The following HAGHL variants were observed in gnomAD, a reference collection of about 807,000 sequenced individuals.
HAGHL encodes hydroxyacylglutathione hydrolase-like protein.
Under a neutral mutation model 29.2 loss-of-function variants are expected in HAGHL, and 27 were observed. That is an observed-to-expected ratio of 0.92 (90% CI 0.68 to 1.27). The LOEUF (loss-of-function observed/expected upper bound fraction) is 1.27. Among genes scored for constraint, HAGHL ranks in the 50% most tolerant of loss-of-function variants. HAGHL has a pLI of 0.00. For synonymous variants in HAGHL, 223 were observed against 185.7 expected (o/e 1.20, Z -1.63); for missense variants, 529 against 405.5 (o/e 1.30, Z -2.62).
chr16:729,074 C>T lies in HAGHL; in HGVS notation c.666C>T (p.Pro222=), dbSNP rs1057081612. 6 of 1,609,554 alleles carry T rather than the reference C, an allele frequency of 3.7e-6. No individual in the cohort carries two copies. Among genetic ancestry groups the T allele is most frequent in the Non-Finnish European group, 4.2e-6 (5 of 1,179,800 alleles). The change falls in exon 7 of 8, where the codon CCC becomes CCT. Residue 222 remains proline, a synonymous_variant. Coordinates refer to ENST00000389703, the MANE Select transcript of HAGHL (RefSeq NM_032304.4). ...TGGGCGAGGAGCGCCTCTACAACCC[C>T]TTCCTGCGGGTGGCGTGAGTATGGC... ...STLGEERLYN[P]FLRVAEEPVR...
In HAGHL at chr16:728,999, G is replaced by C. The variant is rs200842154; in HGVS notation, c.601-10G>C. The C allele has an allele frequency of 6.2e-7, 1 of 1,605,928 alleles. No homozygotes were observed. The highest frequency in any genetic ancestry group is 1.1e-5 in the South Asian group (1 of 89,784). ...GGCCTAATGGTGACCGGGGCCTGTGGTCACTCCAGAAGAGGGATGAGGATG... is the reference window on the plus strand; with the variant it reads ...GGCCTAATGGTGACCGGGGCCTGTGCTCACTCCAGAAGAGGGATGAGGATG... On this transcript the variant is annotated splice_polypyrimidine_tract_variant and intron_variant, in intron 6 of 7. Transcript: ENST00000389703.
At position 728,443 on chromosome 16, in the gene HAGHL, G is replaced by A; in HGVS notation, c.397+19G>A. 6.7e-7 allele frequency: 1 copy of A among 1,501,744 alleles called. No homozygotes were observed. Among genetic ancestry groups the A allele is most frequent in the Non-Finnish European group, 8.9e-7 (1 of 1,118,842 alleles). The allele number at this position is 1,501,744 out of a possible 1,614,324, so 93.0% of individuals were successfully genotyped here. On this transcript the variant is annotated intron_variant, in intron 4 of 7. Coordinates refer to ENST00000389703, the MANE Select transcript of HAGHL (RefSeq NM_032304.4). ...TTCTCGGGTACCCGCAGCGCGGAGC[G>A]CGCCCACCCCGCCTCCCGCCGGCCC... is the stretch of plus-strand genomic sequence containing the variant.
Position 727,464 on chromosome 16 carries a change from G to A in HAGHL, c.-46G>A. ...CCGCCCTGAAGGGGCACCGTGGGCT[G>A]GGGGGCCTGTTTTGGAGCAGGCACC... On this transcript the variant is annotated 5_prime_UTR_variant, in exon 1 of 8. Coordinates refer to ENST00000389703, the MANE Select transcript of HAGHL (RefSeq NM_032304.4). 1.7e-6 allele frequency: 2 copies of A among 1,186,960 alleles called. No homozygotes were observed. The highest frequency in any genetic ancestry group is 2.5e-6 in the Non-Finnish European group (2 of 809,954). 73.5% of individuals were successfully genotyped at this position (1,186,960 alleles called of 1,614,324 possible). A position where few individuals can be genotyped will look rare whatever the true frequency, so the allele number is the denominator to read the frequency against.
At position 728,544 on chromosome 16, in the gene HAGHL, G is replaced by C. The variant is rs2041183099; in HGVS notation, c.438G>C (p.Glu146Asp). 6.5e-7 allele frequency: 1 copy of C among 1,527,744 alleles called. No homozygotes were observed. Among genetic ancestry groups the C allele is most frequent in the Admixed American group, 2.0e-5 (1 of 50,002 alleles). 94.6% of individuals were successfully genotyped at this position (1,527,744 alleles called of 1,614,324 possible). Residue 146 changes from glutamate (E) to aspartate (D), a missense_variant, in exon 5 of 8, where the codon GAG becomes GAC. Coordinates refer to ENST00000389703, the MANE Select transcript of HAGHL (RefSeq NM_032304.4). ...TGGCCGGCTGCGGCTCGTGCCTGGA[G>C]GGCAGCGCCCAGCAGATGTACCAGA... ...LSVAGCGSCL[E>D]GSAQQMYQSL...
chr16:728,145 C>T lies in HAGHL; in HGVS notation c.200C>T (p.Ala67Val). ...CACGCGCGGGGAAACCCGGAGCTGG[C>T]GCGGCTTCGTCCCGGGCTGGCGGTG... Reference protein sequence around the residue: ...WDHARGNPELARLRPGLAVLG... With the variant: ...WDHARGNPELVRLRPGLAVLG... The change falls in exon 3 of 8, where the codon GCG (alanine) becomes GTG (valine). Residue 67 changes from alanine to valine, a missense_variant. Transcript: ENST00000389703. 1 of 1,473,832 alleles carries T rather than the reference C, an allele frequency of 6.8e-7. No individual in the cohort carries two copies. Among genetic ancestry groups the T allele is most frequent in the South Asian group, 1.4e-5 (1 of 74,064 alleles). The allele number at this position is 1,473,832 out of a possible 1,614,324, so 91.3% of individuals were successfully genotyped here.
chr16:729,418 C>T lies in HAGHL; in HGVS notation c.811C>T (p.Leu271=). ...GCCACAGGCGCGGGCCCTCCTTGCG[C>T]TGCAGTGGGGGCTCCTGAGTGCAGC... is the stretch of plus-strand genomic sequence containing the variant. The part of the protein sequence containing the change: ...RQPQARALLA[L]QWGLLSAAPH... Residue 271 remains leucine (L), a synonymous_variant, in exon 8 of 8, where the codon CTG becomes TTG. Transcript: ENST00000389703. 6.5e-7 allele frequency: 1 copy of T among 1,532,674 alleles called. No homozygotes were observed. The highest frequency in any genetic ancestry group is 8.7e-7 in the Non-Finnish European group (1 of 1,143,084). The allele number at this position is 1,532,674 out of a possible 1,614,324, so 94.9% of individuals were successfully genotyped here.
chr16:729,094 T>C lies in HAGHL; in HGVS notation c.680+6T>C, dbSNP rs766898764. On this transcript the variant is annotated splice_donor_region_variant and intron_variant, in intron 7 of 7. Transcript: ENST00000389703. ...AACCCCTTCCTGCGGGTGGCGTGAG[T>C]ATGGCTGTTGTCCCGGGGCCTCCAC... 1.2e-6 allele frequency: 2 copies of C among 1,607,642 alleles called. No individual in the cohort carries two copies.
rs1329331165 is a variant in HAGHL, at chr16:729,384, G to A, written c.777G>A (p.Glu259=). The change falls in exon 8 of 8, where the codon GAG becomes GAA. Residue 259 remains glutamate, a synonymous_variant. Transcript: ENST00000389703. ...KERARFEQAG[E]PRQPQARALL... is the part of the protein sequence containing the mutation. ...GGGCGCGCTTCGAACAGGCGGGCGA[G>A]CCGCGGCAGCCACAGGCGCGGGCCC... 4 of 1,526,752 alleles carry A rather than the reference G, an allele frequency of 2.6e-6. No homozygotes were observed. The highest frequency in any genetic ancestry group is 2.2e-5 in the Admixed American group (1 of 45,188). The allele number at this position is 1,526,752 out of a possible 1,614,324, so 94.6% of individuals were successfully genotyped here.
chr16:729,525 G>A lies in HAGHL; in HGVS notation c.*69G>A. ...TGACCTCGGCCAGCTGGACCCACAT[G>A]AGGGCCACCTCTGGAACCTTCTTCG... On this transcript the variant is annotated 3_prime_UTR_variant, in exon 8 of 8. Transcript: ENST00000389703. 6.5e-7 allele frequency: 1 copy of A among 1,535,086 alleles called. No individual in the cohort carries two copies. The highest frequency in any genetic ancestry group is 8.7e-7 in the Non-Finnish European group (1 of 1,146,142).
Position 728,322 on chromosome 16 carries a change from G to A in HAGHL, c.295G>A (p.Ala99Thr). ...LAHGEELRFG[A>T]IHVRCLLTPG... ...GCCTGCTCCTCCGCCGCAGTTCGGG[G>A]CCATCCACGTGCGTTGCCTCCTGAC... Residue 99 changes from alanine to threonine, a missense_variant, in exon 4 of 8, where the codon GCC (alanine) becomes ACC (threonine). Transcript: ENST00000389703. 1.3e-6 allele frequency: 2 copies of A among 1,553,936 alleles called. No homozygotes were observed. Among genetic ancestry groups the A allele is most frequent in the East Asian group, 2.4e-5 (1 of 41,858 alleles).
chr16:728,759 G>C (rs1224574116), intron 5 of HAGHL, 35 bp from the exon 6 acceptor site: 4 of 1,598,740 alleles, frequency 2.5e-6, no homozygotes, highest in African/African-American at 1.3e-5. Context: ...CCGCTTCCTG[G>C]CCGCGTGCGC....
At chr16:728,927 TGGGG>T in intron 6 of HAGHL, 32 bp downstream of exon 6, 2 of 235,952 alleles carry the variant, frequency 8.5e-6, no homozygotes, top group Non-Finnish European at 1.3e-5. Flanking sequence ...GGCAAGAGGG[TGGGG>T]GGGGAGGGAA....
In HAGHL at chr16:729,680, G is replaced by A. The variant is rs1294791995; in HGVS notation, c.*224G>A. 15 of 1,503,608 alleles carry A rather than the reference G, an allele frequency of 1.0e-5. No individual in the cohort carries two copies. The highest frequency in any genetic ancestry group is 1.2e-5 in the South Asian group (1 of 80,534). 93.1% of individuals were successfully genotyped at this position (1,503,608 alleles called of 1,614,324 possible). On this transcript the variant is annotated 3_prime_UTR_variant, in exon 8 of 8. Coordinates refer to ENST00000389703, the MANE Select transcript of HAGHL (RefSeq NM_032304.4). ...TGGGTGTCTGGGAAGTGGGGCACAC[G>A]GGGCCTCCGAACTATGAATAAAGCT...
chr16:729,376 G>T lies in HAGHL; in HGVS notation c.769G>T (p.Ala257Ser). ...CAAGGAGCGGGCGCGCTTCGAACAG[G>T]CGGGCGAGCCGCGGCAGCCACAGGC... is the stretch of plus-strand genomic sequence containing the variant. ...LCKERARFEQ[A>S]GEPRQPQARA... The change falls in exon 8 of 8, where the codon GCG (alanine) becomes TCG (serine). Residue 257 changes from alanine (A) to serine (S), a missense_variant. Coordinates refer to ENST00000389703, the MANE Select transcript of HAGHL (RefSeq NM_032304.4). 3.3e-6 allele frequency: 5 copies of T among 1,528,148 alleles called. No homozygotes were observed. Among genetic ancestry groups the T allele is most frequent in the Non-Finnish European group, 4.4e-6 (5 of 1,140,690 alleles). 94.7% of individuals were successfully genotyped at this position (1,528,148 alleles called of 1,614,324 possible). A position where few individuals can be genotyped will look rare whatever the true frequency, so the allele number is the denominator to read the frequency against.
Position 729,564 on chromosome 16 carries a change from C to CCAT in HAGHL, c.*110_*112dup. 6.5e-7 allele frequency: 1 copy of CCAT among 1,532,382 alleles called. No individual in the cohort carries two copies. Among genetic ancestry groups the CCAT allele is most frequent in the Non-Finnish European group, 8.7e-7 (1 of 1,145,656 alleles). 94.9% of individuals were successfully genotyped at this position (1,532,382 alleles called of 1,614,324 possible). A position where few individuals can be genotyped will look rare whatever the true frequency, so the allele number is the denominator to read the frequency against. ...GAACCTTCTTCGAGGCCCTGGCCAGCCATCTGCCCAGCCTCGGAGGGTGGG... is the reference window on the plus strand; with the variant it reads ...GAACCTTCTTCGAGGCCCTGGCCAGCCATCATCTGCCCAGCCTCGGAGGGTGGG... On this transcript the variant is annotated 3_prime_UTR_variant, in exon 8 of 8. Coordinates refer to ENST00000389703, the MANE Select transcript of HAGHL (RefSeq NM_032304.4).
Position 727,542 on chromosome 16 carries a change from C to T in HAGHL, c.33C>T (p.Asp11=), listed in dbSNP as rs764959187. 40 of 1,611,536 alleles carry T rather than the reference C, an allele frequency of 2.5e-5. 1 individual carries two copies. The South Asian group carries it at 2.9e-4, about 12-fold the overall frequency. MKVKVIPVLE[D]NYMYLVIEEL... The stretch of plus-strand genomic sequence containing the variant: ...TCAAGGTCATCCCCGTGCTCGAGGA[C>T]AACTACATGTACCTGGTCATCGAGG... The change falls in exon 1 of 8, where the codon GAC becomes GAT. Residue 11 remains aspartate (D), a synonymous_variant. Transcript: ENST00000389703.
At position 729,617 on chromosome 16, in the gene HAGHL, C is replaced by A. The variant is rs1438358066; in HGVS notation, c.*161C>A. The A allele has an allele frequency of 1.3e-6, 2 of 1,527,820 alleles. No individual in the cohort carries two copies. Among genetic ancestry groups the A allele is most frequent in the Admixed American group, 4.0e-5 (2 of 50,178 alleles). 94.6% of individuals were successfully genotyped at this position (1,527,820 alleles called of 1,614,324 possible). ...ACCTGGTGCTTCCCGGGTGGACACA[C>A]AGGACCACTCAGTGGGGCCTGTGTG... On this transcript the variant is annotated 3_prime_UTR_variant, in exon 8 of 8. Coordinates refer to ENST00000389703, the MANE Select transcript of HAGHL (RefSeq NM_032304.4).
chr16:727,362 C>T lies in HAGHL; in HGVS notation c.-148C>T, dbSNP rs2041039551. On this transcript the variant is annotated 5_prime_UTR_variant, in exon 1 of 8. Coordinates refer to ENST00000389703, the MANE Select transcript of HAGHL (RefSeq NM_032304.4). ...GAGTGCCGGGGAGTTCCTGGGGAGC[C>T]GGGCTTCTCTTTTGGCCCCCAGCGT... 2 of 552,594 alleles carry T rather than the reference C, an allele frequency of 3.6e-6. No homozygotes were observed. The highest frequency in any genetic ancestry group is 2.3e-5 in the South Asian group (1 of 43,210). The allele number at this position is 552,594 out of a possible 1,614,324, so 34.2% of individuals were successfully genotyped here.
chr16:728,524 G>C lies in HAGHL; in HGVS notation c.418G>C (p.Gly140Arg). 6.5e-7 allele frequency: 1 copy of C among 1,530,340 alleles called. No individual in the cohort carries two copies. Among genetic ancestry groups the C allele is most frequent in the Non-Finnish European group, 8.7e-7 (1 of 1,144,690 alleles). 94.8% of individuals were successfully genotyped at this position (1,530,340 alleles called of 1,614,324 possible). A position where few individuals can be genotyped will look rare whatever the true frequency, so the allele number is the denominator to read the frequency against. The part of the protein sequence containing the change: ...LFSGDALSVA[G>R]CGSCLEGSAQ... ...GCCAGGCGACGCGCTGTCGGTGGCC[G>C]GCTGCGGCTCGTGCCTGGAGGGCAG... The change falls in exon 5 of 8, where the codon GGC (glycine) becomes CGC (arginine). Residue 140 changes from glycine (G) to arginine (R), a missense_variant. By Grantham distance (125) the Gly-to-Arg change is moderately radical. Transcript: ENST00000389703.
Sources: allele counts gnomAD v4.1 joint callset, GRCh38; gene constraint gnomAD v4.1.1; transcripts MANE v1.5; gene names NCBI Gene and HGNC (gene_info 2026-07-23, HGNC 2026-07-21).